The following CACNB2 variants were observed in gnomAD, a reference collection of about 807,000 sequenced individuals.
CACNB2 encodes the protein calcium voltage-gated channel auxiliary subunit beta 2, also known as voltage-dependent L-type calcium channel subunit beta-2.
In CACNB2, 42 loss-of-function variants were observed where a neutral mutation model predicts 73.3. That is an observed-to-expected ratio of 0.57 (90% CI 0.45 to 0.74). The LOEUF (loss-of-function observed/expected upper bound fraction) is 0.74, where lower values mean the gene tolerates loss of function less well. Among genes scored for constraint, CACNB2 ranks in the 30% least tolerant of loss-of-function variants. CACNB2 has a pLI of 0.00. For synonymous variants in CACNB2, 348 were observed against 310.3 expected, an observed-to-expected ratio of 1.12 and a Z score of -1.28; for missense variants, 940 against 853.0, an observed-to-expected ratio of 1.10 and a Z score of -1.27.
At chr10:18,482,004 C>T (rs2048805446) in intron 3 of CACNB2, among the ~76,000 whole-genome samples, 1 of 152,130 alleles carries the variant, frequency 6.6e-6, no homozygotes, top group South Asian at 2.1e-4. Flanking sequence ...ATTCTCTTGC[C>T]TCAGCCTCCT....
chr10:18,309,425 A>G (rs565963031), intron 2 of CACNB2, among the ~76,000 whole-genome samples: 1 of 152,304 alleles, frequency 6.6e-6, no homozygotes, highest in South Asian at 2.1e-4. Flanking sequence ...CAGGTCTTCA[A>G]CAGGGTAGAC....
chr10:18,458,079 A>G (rs1418512939), intron 3 of CACNB2, among the ~76,000 whole-genome samples: 1 of 152,232 alleles, frequency 6.6e-6, no homozygotes, highest in Non-Finnish European at 1.5e-5. Context: ...CAGAGAAATC[A>G]TTTAACCAAT....
chr10:18,307,983 C>T (rs868160000), intron 2 of CACNB2, among the ~76,000 whole-genome samples: 103 of 70,210 alleles, frequency 1.5e-3, no homozygotes, highest in South Asian at 1.9e-3. Context: ...TATATGCCAA[C>T]TTTTTTTTTT....
At chr10:18,507,872 A>C (rs767832873) in intron 6 of CACNB2, among the ~76,000 whole-genome samples, 4 of 152,222 alleles carry the variant, frequency 2.6e-5, no homozygotes, top group Admixed American at 6.5e-5. Context: ...TCTATTACTA[A>C]TAATCAGCTT....
intron 2 of CACNB2, among the ~76,000 whole-genome samples, chr10:18,204,696 C>T (rs532312400): frequency 5.9e-5 from 9 of 152,140 alleles, no homozygotes; most frequent in South Asian, 2.1e-4. Flanking sequence ...TTAAGCTCTG[C>T]GAGGGCAAGT....
intron 2 of CACNB2, among the ~76,000 whole-genome samples, chr10:18,195,383 G>A (rs990622829): frequency 2.6e-5 from 4 of 152,130 alleles, no homozygotes; most frequent in African/African-American, 9.7e-5. Flanking sequence ...ACCCACCCCA[G>A]CTATCAGAGA....
At chr10:18,191,440 TC>T (rs2034392131) in intron 2 of CACNB2, among the ~76,000 whole-genome samples, 1 of 152,176 alleles carries the variant, frequency 6.6e-6, no homozygotes, top group Non-Finnish European at 1.5e-5. Context: ...AGTTTTTTTT[TC>T]TTTCTTATTT....
At chr10:18,512,915 C>T (rs1191448834) in intron 6 of CACNB2, among the ~76,000 whole-genome samples, 2 of 152,110 alleles carry the variant, frequency 1.3e-5, no homozygotes, top group African/African-American at 4.8e-5. Flanking sequence ...GTGTGATGTG[C>T]AGCCAGGCGT....
At chr10:18,506,645 G>A (rs576356895) in intron 6 of CACNB2, 98 bp downstream of exon 6, 9 of 784,250 alleles carry the variant, frequency 1.1e-5, no homozygotes, top group East Asian at 7.5e-5. Flanking sequence ...GAATCACTAT[G>A]TTAACCCTAC....
intron 2 of CACNB2, chr10:18,260,836 A>T: frequency 9.7e-7 from 1 of 1,030,726 alleles, no homozygotes; most frequent in Non-Finnish European, 1.2e-6. Flanking sequence ...TCAAAAGCAG[A>T]GTACTGCAGG....
chr10:18,221,174 C>T lies in CACNB2; in HGVS notation c.213+70199C>T, dbSNP rs76132658. Among the ~76,000 whole-genome samples the T allele has an allele frequency of 4.8e-3, 730 of 152,176 alleles. 10 individuals carry two copies. In the East Asian group the frequency reaches 0.062, roughly 13 times the overall value. On this transcript the variant is annotated intron_variant, in intron 2 of 13. Transcript: ENST00000324631. Reference sequence around the variant, plus strand: ...TTTGAAAGGTATTCATCTTTTTCCTCGAATCTTAAGAATTTTCAAAACTTG... The same window carrying T: ...TTTGAAAGGTATTCATCTTTTTCCTTGAATCTTAAGAATTTTCAAAACTTG...
chr10:18,289,541 G>A (rs908796467), intron 2 of CACNB2, among the ~76,000 whole-genome samples: 3 of 151,884 alleles, frequency 2.0e-5, no homozygotes, highest in South Asian at 2.1e-4. Context: ...TGATCTGCCC[G>A]TCTCAGCCTC....
chr10:18,280,978 A>C (rs1187982997), intron 2 of CACNB2, among the ~76,000 whole-genome samples: 2 of 152,230 alleles, frequency 1.3e-5, no homozygotes, highest in African/African-American at 2.4e-5. Context: ...ACGCCTGTAC[A>C]CAGATTAGGA....
intron 2 of CACNB2, among the ~76,000 whole-genome samples, chr10:18,289,292 G>GTTTT (rs1218890630): frequency 3.6e-5 from 2 of 55,612 alleles, no homozygotes; most frequent in Non-Finnish European, 6.9e-5. Flanking sequence ...TTGTTTTTTT[G>GTTTT]TTTTGTTTTT....
chr10:18,186,008 C>T (rs375964618), intron 2 of CACNB2, among the ~76,000 whole-genome samples: 1 of 152,054 alleles, frequency 6.6e-6, no homozygotes, highest in Non-Finnish European at 1.5e-5. Flanking sequence ...TTTTAGTTGA[C>T]ATGTGAACAG....
chr10:18,501,046 C>G (rs1448996967), intron 5 of CACNB2, 98 bp downstream of exon 5: 3 of 1,199,788 alleles, frequency 2.5e-6, no homozygotes, highest in Non-Finnish European at 3.6e-6. Context: ...TATGTATTAA[C>G]AAGGAGGCTG....
At chr10:18,174,924 G>C (rs763937800) in intron 2 of CACNB2, among the ~76,000 whole-genome samples, 6 of 152,038 alleles carry the variant, frequency 3.9e-5, no homozygotes, top group Non-Finnish European at 7.4e-5. Flanking sequence ...TTGGTTTTCA[G>C]ACAGAAAAAT....
intron 3 of CACNB2, among the ~76,000 whole-genome samples, chr10:18,415,615 T>A (rs1377583540): frequency 6.6e-6 from 1 of 152,172 alleles, no homozygotes; most frequent in Non-Finnish European, 1.5e-5. Context: ...TGACTGACCC[T>A]CTGGAGGCAG....
At chr10:18,474,019 G>T (rs7895467) in intron 3 of CACNB2, among the ~76,000 whole-genome samples, 1 of 151,966 alleles carries the variant, frequency 6.6e-6, no homozygotes, top group Admixed American at 6.6e-5. Flanking sequence ...GGATTTGCTC[G>T]CTAAGAGCTC....
Sources: allele counts gnomAD v4.1 joint callset (sites outside exome capture counted in the v4.1 genomes callset), GRCh38; gene constraint gnomAD v4.1.1; transcripts MANE v1.5; gene names NCBI Gene and HGNC (gene_info 2026-07-23, HGNC 2026-07-21).